The following GSK3B variants were observed in gnomAD, a reference collection of about 807,000 sequenced individuals.
The protein encoded by GSK3B is glycogen synthase kinase 3 beta, also known as glycogen synthase kinase-3 beta.
A neutral mutation model predicts 56.4 loss-of-function variants in GSK3B; 15 were observed. The ratio of observed to expected loss-of-function variants is 0.27; its 90% CI spans 0.18 to 0.41. GSK3B has a LOEUF of 0.41. GSK3B is among the 10% of genes least tolerant of loss of function. The pLI, the probability that GSK3B is intolerant of heterozygous loss-of-function variation, is 1.00. For missense variants in GSK3B, 300 were observed against 513.4 expected (o/e 0.58, Z 4.02); for synonymous variants, 181 against 188.9 (o/e 0.96, Z 0.34).
intron 3 of GSK3B, among the ~76,000 whole-genome samples, chr3:119,934,552 CTT>C (rs1229271934): frequency 2.6e-5 from 4 of 152,282 alleles, no homozygotes; most frequent in Admixed American, 6.5e-5. Flanking sequence ...ATGTGGTATT[CTT>C]TCTTATACTT....
chr3:120,057,281 C>T (rs75680341), intron 1 of GSK3B, among the ~76,000 whole-genome samples: 57 of 152,182 alleles, frequency 3.7e-4, no homozygotes, highest in African/African-American at 1.3e-3. Flanking sequence ...AAAAACAGGT[C>T]GCCAGATAAA....
chr3:119,883,961 GAT>G (rs1489551349), intron 7 of GSK3B, among the ~76,000 whole-genome samples: 1 of 152,124 alleles, frequency 6.6e-6, no homozygotes, highest in Non-Finnish European at 1.5e-5. Flanking sequence ...GTGAACATTA[GAT>G]ATATTACTTA....
intron 3 of GSK3B, among the ~76,000 whole-genome samples, chr3:119,943,397 T>C (rs1444027704): frequency 6.6e-6 from 1 of 152,138 alleles, no homozygotes; most frequent in East Asian, 1.9e-4. Flanking sequence ...ATAACCAAAA[T>C]GCCTATACAT....
At chr3:120,021,561 G>A (rs1438207930) in intron 1 of GSK3B, among the ~76,000 whole-genome samples, 2 of 152,002 alleles carry the variant, frequency 1.3e-5, no homozygotes, top group Non-Finnish European at 2.9e-5. Context: ...ACAGGAACAG[G>A]AGTTTGGAAG....
intron 9 of GSK3B, among the ~76,000 whole-genome samples, chr3:119,849,295 C>T (rs547975667): frequency 6.6e-6 from 1 of 152,296 alleles, no homozygotes; most frequent in East Asian, 1.9e-4. Context: ...AAAAAGACAA[C>T]TGTCCTTTGT....
chr3:119,864,907 G>A (rs2056156944), intron 8 of GSK3B, among the ~76,000 whole-genome samples: 1 of 152,176 alleles, frequency 6.6e-6, no homozygotes, highest in Non-Finnish European at 1.5e-5. Context: ...GGAACATAAA[G>A]AAAGGCCTTA....
At chr3:119,849,276 T>C (rs10934500) in intron 9 of GSK3B, among the ~76,000 whole-genome samples, 36,871 of 151,958 alleles carry the variant, frequency 0.24, 4,936 homozygotes, top group East Asian at 0.49. Flanking sequence ...GGTCCCAGGA[T>C]AGGGAGATAA....
intron 7 of GSK3B, among the ~76,000 whole-genome samples, chr3:119,889,189 C>A (rs183319689): frequency 1.3e-5 from 2 of 152,010 alleles, no homozygotes; most frequent in African/African-American, 4.8e-5. Flanking sequence ...GCTGGTTTTG[C>A]AGCTCAGGTG....
chr3:120,020,635 G>C (rs1303945803), intron 1 of GSK3B, among the ~76,000 whole-genome samples: 2 of 152,066 alleles, frequency 1.3e-5, no homozygotes, highest in Non-Finnish European at 2.9e-5. Context: ...CCTTATTCCA[G>C]ACACAACGAT....
chr3:120,025,451 A>G (rs918416683), intron 1 of GSK3B, among the ~76,000 whole-genome samples: 10 of 152,228 alleles, frequency 6.6e-5, no homozygotes, highest in Non-Finnish European at 1.3e-4. Flanking sequence ...AGGAAATCAT[A>G]ATAGTGAATG....
At chr3:119,976,783 AAAT>A (rs1559860933) in intron 2 of GSK3B, among the ~76,000 whole-genome samples, 3 of 150,846 alleles carry the variant, frequency 2.0e-5, no homozygotes, top group African/African-American at 4.9e-5. Context: ...AAAAAAAAAA[AAAT>A]AGAAAGGTTT....
chr3:119,975,968 A>G (rs1188643408), intron 2 of GSK3B, among the ~76,000 whole-genome samples: 1 of 152,194 alleles, frequency 6.6e-6, no homozygotes, highest in Non-Finnish European at 1.5e-5. Context: ...CAATAAGCAC[A>G]TGAAAAGATA....
At chr3:119,882,867 C>T (rs1256349709) in intron 7 of GSK3B, among the ~76,000 whole-genome samples, 3 of 152,148 alleles carry the variant, frequency 2.0e-5, no homozygotes. Context: ...ATTATATTTA[C>T]AATCAGTGGT....
chr3:119,963,950 T>G (rs1392214782), intron 2 of GSK3B, among the ~76,000 whole-genome samples: 1 of 152,162 alleles, frequency 6.6e-6, no homozygotes. Context: ...TTCTTGACAC[T>G]GTTCTTGTCA....
chr3:119,939,573 G>A (rs1048765652), intron 3 of GSK3B, among the ~76,000 whole-genome samples: 54 of 152,164 alleles, frequency 3.5e-4, no homozygotes, highest in African/African-American at 1.1e-3. Flanking sequence ...ATTTATCCCT[G>A]TTTTAAAATA....
intron 3 of GSK3B, among the ~76,000 whole-genome samples, chr3:119,934,802 T>C (rs1006674284): frequency 6.6e-6 from 1 of 152,174 alleles, no homozygotes; most frequent in Non-Finnish European, 1.5e-5. Context: ...AATTTACATA[T>C]AATATATGTG....
chr3:119,906,237 A>C (rs1386556076), intron 6 of GSK3B, among the ~76,000 whole-genome samples: 1 of 152,144 alleles, frequency 6.6e-6, no homozygotes, highest in African/African-American at 2.4e-5. Context: ...ACAGAGGAGC[A>C]GCAAGGAAAG....
intron 1 of GSK3B, among the ~76,000 whole-genome samples, chr3:120,085,776 A>G (rs1202232151): frequency 6.6e-6 from 1 of 152,166 alleles, no homozygotes; most frequent in Non-Finnish European, 1.5e-5. Flanking sequence ...ACTGCACCCC[A>G]GCCTGGGCGA....
intron 2 of GSK3B, among the ~76,000 whole-genome samples, chr3:119,966,987 T>C (rs2057323936): frequency 6.6e-6 from 1 of 152,056 alleles, no homozygotes; most frequent in African/African-American, 2.4e-5. Context: ...ATAAAGACAA[T>C]CTATAATCAT....
Sources: allele counts gnomAD v4.1 joint callset (sites outside exome capture counted in the v4.1 genomes callset), GRCh38; gene constraint gnomAD v4.1.1; transcripts MANE v1.5; gene names NCBI Gene and HGNC (gene_info 2026-07-23, HGNC 2026-07-21).